Variants in IQCM observed in about 807,000 individuals in gnomAD.
IQCM encodes IQ motif containing M, also known as IQ domain-containing protein M.
Under a neutral mutation model 57.6 loss-of-function variants are expected in IQCM, and 45 were observed. That is an observed-to-expected ratio of 0.78 (90% CI 0.62 to 1.00). The LOEUF is 1.00. IQCM is among the 50% of genes least tolerant of loss of function. IQCM has a pLI of 0.00. For synonymous variants in IQCM, 148 were observed against 158.9 expected, an observed-to-expected ratio of 0.93 and a Z score of 0.51; for missense variants, 468 against 511.6, an observed-to-expected ratio of 0.91 and a Z score of 0.82.
intron 13 of IQCM, among the ~76,000 whole-genome samples, chr4:149,379,063 T>C (rs184465153): frequency 5.5e-4 from 83 of 152,264 alleles, no homozygotes; most frequent in African/African-American, 1.9e-3. Flanking sequence ...CCATGTGGTG[T>C]TGAGCCTGTG....
intron 7 of IQCM, among the ~76,000 whole-genome samples, chr4:149,636,241 A>G (rs945055945): frequency 1.3e-5 from 2 of 152,248 alleles, no homozygotes; most frequent in African/African-American, 4.8e-5. Flanking sequence ...ACCAAAGAGG[A>G]AGAGATGGCC....
chr4:149,450,436 G>A (rs1400345922), intron 12 of IQCM, among the ~76,000 whole-genome samples: 5 of 151,644 alleles, frequency 3.3e-5, no homozygotes, highest in Non-Finnish European at 2.9e-5. Context: ...CACATAGAAT[G>A]GTAGAAAATA....
At chr4:149,716,993 C>T (rs1580109551) in intron 5 of IQCM, among the ~76,000 whole-genome samples, 1 of 152,226 alleles carries the variant, frequency 6.6e-6, no homozygotes, top group Non-Finnish European at 1.5e-5. Context: ...CCCAACTTTA[C>T]AGCAACAGCT....
chr4:149,622,357 T>TTTTTTTG (rs1756418588), intron 7 of IQCM, among the ~76,000 whole-genome samples: 1 of 151,622 alleles, frequency 6.6e-6, no homozygotes. Flanking sequence ...TTATTTTTTT[T>TTTTTTTG]TTGGAGACGT....
chr4:149,389,640 T>C (rs1456884143), intron 13 of IQCM, among the ~76,000 whole-genome samples: 2 of 145,322 alleles, frequency 1.4e-5, no homozygotes, highest in Non-Finnish European at 3.0e-5. Flanking sequence ...TTCTCACTCA[T>C]AGGTGGGAAC....
At chr4:149,480,583 A>G (rs990419523) in intron 12 of IQCM, among the ~76,000 whole-genome samples, 7 of 152,190 alleles carry the variant, frequency 4.6e-5, no homozygotes, top group African/African-American at 1.7e-4. Context: ...ATTGCAAATG[A>G]CAGGATCTCA....
intron 13 of IQCM, among the ~76,000 whole-genome samples, chr4:149,414,494 A>T (rs1219939276): frequency 6.6e-6 from 1 of 152,098 alleles, no homozygotes; most frequent in East Asian, 1.9e-4. Flanking sequence ...AGAGATGTGA[A>T]CCTGAGAGAG....
At chr4:149,757,927 T>C (rs980879724) in intron 2 of IQCM, among the ~76,000 whole-genome samples, 5 of 152,214 alleles carry the variant, frequency 3.3e-5, no homozygotes, top group African/African-American at 9.6e-5. Context: ...AATATACTCC[T>C]GAATAACTCA....
intron 2 of IQCM, among the ~76,000 whole-genome samples, chr4:149,749,081 T>C (rs1183831491): frequency 3.3e-5 from 5 of 152,194 alleles, no homozygotes; most frequent in Admixed American, 6.5e-5. Context: ...TTGAGACAGA[T>C]ATAGAACTAC....
chr4:149,395,795 A>C (rs1223059548), intron 13 of IQCM, among the ~76,000 whole-genome samples: 1 of 152,058 alleles, frequency 6.6e-6, no homozygotes, highest in Non-Finnish European at 1.5e-5. Context: ...CTATTCCCAG[A>C]AGGGAAAATG....
chr4:149,604,493 C>T (rs1429209024), intron 8 of IQCM, among the ~76,000 whole-genome samples: 2 of 152,074 alleles, frequency 1.3e-5, no homozygotes, highest in African/African-American at 4.8e-5. Flanking sequence ...TTTACCTGAT[C>T]ATTTAAAAAA....
chr4:149,633,883 C>T lies in IQCM; in HGVS notation c.566-12639G>A, dbSNP rs80335268. Among the ~76,000 whole-genome samples, 1,475 of 152,246 alleles carry T rather than the reference C, an allele frequency of 9.7e-3. 30 individuals carry two copies. The highest frequency in any genetic ancestry group is 0.034 in the African/African-American group (1,402 of 41,538). ...TACACCGTCATTTTTTTTCTTTCCACTCATGATGGTACATTTGAATTCAAA... is the reference window on the plus strand; with the variant it reads ...TACACCGTCATTTTTTTTCTTTCCATTCATGATGGTACATTTGAATTCAAA... On this transcript the variant is annotated intron_variant, in intron 7 of 13. Transcript: ENST00000636793.
chr4:149,756,451 A>G (rs1392017204), intron 2 of IQCM, among the ~76,000 whole-genome samples: 3 of 152,178 alleles, frequency 2.0e-5, no homozygotes, highest in Non-Finnish European at 4.4e-5. Flanking sequence ...CAAAACAAAG[A>G]CTTTCCAAAA....
At chr4:149,548,275 C>A (rs977327541) in intron 12 of IQCM, among the ~76,000 whole-genome samples, 180 bp downstream of exon 12, 2 of 152,060 alleles carry the variant, frequency 1.3e-5, no homozygotes, top group African/African-American at 4.8e-5. Flanking sequence ...AAATATTTTC[C>A]TTCACAAATA....
At chr4:149,718,862 G>C (rs1765211091) in intron 5 of IQCM, among the ~76,000 whole-genome samples, 1 of 152,062 alleles carries the variant, frequency 6.6e-6, no homozygotes, top group East Asian at 1.9e-4. Flanking sequence ...AGTATTTATA[G>C]CCAACCTAGA....
chr4:149,649,125 T>G (rs1758924016), intron 7 of IQCM, among the ~76,000 whole-genome samples: 1 of 151,924 alleles, frequency 6.6e-6, no homozygotes, highest in Admixed American at 6.6e-5. Flanking sequence ...TTCTAAAGGA[T>G]TTTTGTCATT....
chr4:149,543,307 A>T (rs13113322), intron 12 of IQCM, among the ~76,000 whole-genome samples: 4,412 of 152,230 alleles, frequency 0.029, 89 homozygotes, highest in Non-Finnish European at 0.045. Context: ...AAAACAATAT[A>T]TTCAAACTAT....
intron 8 of IQCM, among the ~76,000 whole-genome samples, chr4:149,607,707 C>T (rs1223260544): frequency 6.6e-6 from 1 of 151,926 alleles, no homozygotes; most frequent in Non-Finnish European, 1.5e-5. Flanking sequence ...AAGTTGCCAT[C>T]AGTTTAAAAT....
chr4:149,634,203 T>C (rs1023868985), intron 7 of IQCM, among the ~76,000 whole-genome samples: 8 of 152,032 alleles, frequency 5.3e-5, no homozygotes, highest in African/African-American at 1.7e-4. Context: ...AGAGACGGGG[T>C]TTCACCATGT....
Sources: allele counts gnomAD v4.1 joint callset (sites outside exome capture counted in the v4.1 genomes callset), GRCh38; gene constraint gnomAD v4.1.1; transcripts MANE v1.5; gene names NCBI Gene and HGNC (gene_info 2026-07-23, HGNC 2026-07-21).